Variants in ZDHHC5 observed in about 807,000 individuals in gnomAD.
ZDHHC5 encodes the protein palmitoyltransferase ZDHHC5.
ZDHHC5 carries 22 observed loss-of-function variants against 70.0 expected under a neutral mutation model. That is an observed-to-expected ratio of 0.31 (90% CI 0.22 to 0.45). ZDHHC5 has a LOEUF of 0.45. Ranked by LOEUF, ZDHHC5 falls within the 20% of genes least tolerant of loss-of-function variation. The pLI is 1.00. For synonymous variants in ZDHHC5, 313 were observed against 347.8 expected (o/e 0.90, Z 1.11); for missense variants, 746 against 926.9 (o/e 0.80, Z 2.53).
intron 1 of ZDHHC5, among the ~76,000 whole-genome samples, chr11:57,670,301 A>G (rs1056656182): frequency 3.9e-5 from 6 of 152,056 alleles, no homozygotes; most frequent in South Asian, 4.2e-4. Context: ...GTGAAACCCC[A>G]TCTCTACTAA....
chr11:57,687,450 A>G (rs1052294110), intron 3 of ZDHHC5, among the ~76,000 whole-genome samples: 1 of 152,026 alleles, frequency 6.6e-6, no homozygotes, highest in Non-Finnish European at 1.5e-5. Flanking sequence ...GTGCGCCTGT[A>G]ATCCCAGCTG....
At position 57,700,069 on chromosome 11, in the gene ZDHHC5, A is replaced by G; in HGVS notation, c.*38A>G. On this transcript the variant is annotated 3_prime_UTR_variant, in exon 12 of 12. Coordinates refer to ENST00000287169, the MANE Select transcript of ZDHHC5 (RefSeq NM_015457.3). ...TCCCCTCCCCAACGCCTCTGCGCCT[A>G]CACCAAAGGGCCCCAGGTGGCCACC... 6.6e-7 allele frequency: 1 copy of G among 1,523,696 alleles called. No homozygotes were observed. The allele number at this position is 1,523,696 out of a possible 1,614,324, so 94.4% of individuals were successfully genotyped here.
In ZDHHC5 at chr11:57,696,800, C is replaced by T. The variant is rs768575668; in HGVS notation, c.1049C>T (p.Thr350Ile). 13 of 1,613,964 alleles carry T rather than the reference C, an allele frequency of 8.1e-6. No individual in the cohort carries two copies. Among genetic ancestry groups the T allele is most frequent in the Admixed American group, 6.7e-5 (4 of 60,010 alleles). The change falls in exon 10 of 12, where the codon ACC (threonine) becomes ATC (isoleucine). Residue 350 changes from threonine (T) to isoleucine (I), a missense_variant. By Grantham distance (89) the Thr-to-Ile change is moderately conservative. Transcript: ENST00000287169. ...LLAKDSPPTPTMYKYRPGYSS... is the reference protein window; with the variant it reads ...LLAKDSPPTPIMYKYRPGYSS... ...GCCAAGGACAGCCCCCCGACACCTA[C>T]CATGTACAAGTATCGGCCGGGTTAC...
Position 57,672,856 on chromosome 11 carries a change from G to A in ZDHHC5, c.-235G>A. ...ATCTTCCCTTCTGCCTTGTTCTGGG[G>A]AGGTGGTTATTCATCATTTGGAATC... On this transcript the variant is annotated 5_prime_UTR_variant, in exon 2 of 12. Coordinates refer to ENST00000287169, the MANE Select transcript of ZDHHC5 (RefSeq NM_015457.3). 4.1e-6 allele frequency: 2 copies of A among 482,244 alleles called. No homozygotes were observed. The highest frequency in any genetic ancestry group is 7.6e-6 in the Non-Finnish European group (2 of 263,422). The allele number at this position is 482,244 out of a possible 1,614,324, so 29.9% of individuals were successfully genotyped here.
At position 57,699,220 on chromosome 11, in the gene ZDHHC5, T is replaced by C. The variant is rs148272429; in HGVS notation, c.1784T>C (p.Leu595Ser). 111 of 1,614,140 alleles carry C rather than the reference T, an allele frequency of 6.9e-5. No individual in the cohort carries two copies. Among genetic ancestry groups the C allele is most frequent in the Non-Finnish European group, 8.6e-5 (101 of 1,180,048 alleles). Residue 595 changes from leucine (L) to serine (S), a missense_variant, in exon 11 of 12, where the codon TTG becomes TCG. By Grantham distance (145) the Leu-to-Ser change is moderately radical (BLOSUM62 -2). This residue lies in a region of ZDHHC5 where 340 missense variants were observed against 350.1 expected (regional missense o/e 0.97). Coordinates refer to ENST00000287169, the MANE Select transcript of ZDHHC5 (RefSeq NM_015457.3). ...SSSDDSKRSPLGKTPLGRPAV... is the reference protein window; with the variant it reads ...SSSDDSKRSPSGKTPLGRPAV... ...TCAGATGATTCAAAGAGATCACCTTTGGGCAAGACTCCACTGGGACGCCCA... is the reference window on the plus strand; with the variant it reads ...TCAGATGATTCAAAGAGATCACCTTCGGGCAAGACTCCACTGGGACGCCCA...
At chr11:57,692,785 T>C in intron 7 of ZDHHC5, 83 bp downstream of exon 7, 1 of 1,415,682 alleles carries the variant, frequency 7.1e-7, no homozygotes, top group Non-Finnish European at 9.8e-7. Context: ...AGGAGGGGTC[T>C]GGTGAGAGCC....
chr11:57,687,708 C>T (rs1381395263), intron 3 of ZDHHC5, among the ~76,000 whole-genome samples: 1 of 146,450 alleles, frequency 6.8e-6, no homozygotes, highest in Non-Finnish European at 1.5e-5. Context: ...TACTGAAATA[C>T]GTATATGTAG....
chr11:57,699,978 G>C lies in ZDHHC5; in HGVS notation c.2095G>C (p.Gly699Arg). 2 of 1,613,240 alleles carry C rather than the reference G, an allele frequency of 1.2e-6. No homozygotes were observed. Among genetic ancestry groups the C allele is most frequent in the Non-Finnish European group, 1.7e-6 (2 of 1,179,606 alleles). Residue 699 changes from glycine to arginine, a missense_variant, in exon 12 of 12, where the codon GGA (glycine) becomes CGA (arginine). Transcript: ENST00000287169. Reference protein sequence around the residue: ...QPPLSSPTRGGVKKVSGVGGT... With the variant: ...QPPLSSPTRGRVKKVSGVGGT... ...ACCTCTCAGTAGCCCCACGAGGGGA[G>C]GAGTCAAGAAGGTGTCAGGGGTTGG...
chr11:57,670,488 C>T (rs2135373520), intron 1 of ZDHHC5, among the ~76,000 whole-genome samples: 1 of 151,034 alleles, frequency 6.6e-6, no homozygotes, highest in South Asian at 2.1e-4. Flanking sequence ...AAAAAAAGTA[C>T]ATATTGTCTA....
intron 1 of ZDHHC5, chr11:57,668,491 C>G (rs1232357079): frequency 6.6e-6 from 1 of 152,298 alleles, no homozygotes; most frequent in East Asian, 1.9e-4. Flanking sequence ...GGCCCTGCGC[C>G]CTCGGGCTCT....
intron 4 of ZDHHC5, among the ~76,000 whole-genome samples, chr11:57,689,828 C>T (rs1443234376): frequency 1.3e-5 from 2 of 152,120 alleles, no homozygotes; most frequent in Non-Finnish European, 2.9e-5. Flanking sequence ...AAGTGTGCAC[C>T]ACTACGCCTG....
chr11:57,694,071 A>G lies in ZDHHC5; in HGVS notation c.885+156A>G, dbSNP rs369424868. Reference sequence around the variant, plus strand: ...GCTGGAGTGCAGTGGTGCTCAGTGCAAACTCTGCCTCCCAGGTTCAAGCAA... The same window carrying G: ...GCTGGAGTGCAGTGGTGCTCAGTGCGAACTCTGCCTCCCAGGTTCAAGCAA... On this transcript the variant is annotated intron_variant, in intron 8 of 11. Coordinates refer to ENST00000287169, the MANE Select transcript of ZDHHC5 (RefSeq NM_015457.3). Among the ~76,000 whole-genome samples, 9 of 150,962 alleles carry G rather than the reference A, an allele frequency of 6.0e-5. No homozygotes were observed. The East Asian group carries it at 9.7e-4, about 16-fold the overall frequency.
intron 8 of ZDHHC5, among the ~76,000 whole-genome samples, chr11:57,695,629 A>G (rs1946340392): frequency 6.6e-6 from 1 of 151,448 alleles, no homozygotes; most frequent in African/African-American, 2.4e-5. Context: ...TCTCTACAAA[A>G]TAAAGTAAAA....
intron 3 of ZDHHC5, among the ~76,000 whole-genome samples, chr11:57,688,135 C>T (rs1440371577): frequency 6.6e-6 from 1 of 152,120 alleles, no homozygotes; most frequent in Non-Finnish European, 1.5e-5. Context: ...TGCTATAGTT[C>T]ACTCATATAA....
chr11:57,695,170 G>T (rs1195051240), intron 8 of ZDHHC5, among the ~76,000 whole-genome samples: 3 of 152,154 alleles, frequency 2.0e-5, no homozygotes, highest in Non-Finnish European at 4.4e-5. Context: ...GCTGAGGTAG[G>T]AGAATTGCTT....
chr11:57,689,881 C>T, intron 4 of ZDHHC5, 150 bp from the exon 5 acceptor site: 2 of 1,075,176 alleles, frequency 1.9e-6, no homozygotes, highest in Non-Finnish European at 2.7e-6. Context: ...GTCTCCCTTG[C>T]AGATTTATAG....
chr11:57,698,893 A>C lies in ZDHHC5; in HGVS notation c.1457A>C (p.Gln486Pro). ...GACAGCCCTGATTTTGAGTCAGTGC[A>C]GGCAGGGCCTGAGCCAGACCCACCT... ...PSDSPDFESV[Q>P]AGPEPDPPLG... Residue 486 changes from glutamine to proline, a missense_variant, in exon 11 of 12, where the codon CAG (glutamine) becomes CCG (proline). This residue lies in a region of ZDHHC5 where 340 missense variants were observed against 350.1 expected (regional missense o/e 0.97). Transcript: ENST00000287169. The C allele has an allele frequency of 6.2e-7, 1 of 1,614,202 alleles. No individual in the cohort carries two copies.
Position 57,693,743 on chromosome 11 carries a change from C to A in ZDHHC5, c.753-40C>A, listed in dbSNP as rs945622766. The A allele has an allele frequency of 2.0e-6, 3 of 1,514,454 alleles. No homozygotes were observed. The African/African-American group carries it at 4.2e-5, about 21-fold the overall frequency. 93.8% of individuals were successfully genotyped at this position (1,514,454 alleles called of 1,614,324 possible). A position where few individuals can be genotyped will look rare whatever the true frequency, so the allele number is the denominator to read the frequency against. On this transcript the variant is annotated intron_variant, in intron 7 of 11. Transcript: ENST00000287169. ...TTTAAAATATAAATGAATGAAAGCT[C>A]TCTCGCTGTGTCTCTCTCTCTCTCT...
chr11:57,697,185 G>A (rs563475309), intron 10 of ZDHHC5, among the ~76,000 whole-genome samples: 5 of 141,612 alleles, frequency 3.5e-5, no homozygotes, highest in East Asian at 2.1e-4. Context: ...AAAAATTGCC[G>A]GGCACAGTGG....
Sources: gnomAD v4.1 joint callset for allele counts (sites outside exome capture counted in the v4.1 genomes callset) on GRCh38, gnomAD v4.1.1 for gene constraint, gnomAD v4.1.1 regional missense constraint, MANE v1.5 for transcripts, NCBI Gene and HGNC (gene_info 2026-07-23, HGNC 2026-07-21) for gene names.